Variants in GABRA2 observed in about 807,000 individuals in gnomAD.
The protein encoded by GABRA2 is gamma-aminobutyric acid type A receptor subunit alpha2.
A neutral mutation model predicts 48.7 loss-of-function variants in GABRA2; 16 were observed. The ratio of observed to expected loss-of-function variants is 0.33; its 90% CI spans 0.22 to 0.50. The LOEUF is 0.50. GABRA2 is among the 20% of genes least tolerant of loss of function. The pLI is 0.98. For missense variants in GABRA2, 275 were observed against 535.6 expected (o/e 0.51, Z 4.80); for synonymous variants, 185 against 184.5 (o/e 1.00, Z -0.02).
intron 8 of GABRA2, among the ~76,000 whole-genome samples, chr4:46,298,638 T>C (rs1219009554): frequency 1.3e-5 from 2 of 152,008 alleles, no homozygotes; most frequent in East Asian, 3.8e-4. Flanking sequence ...TCTATGTTAA[T>C]AACTGTGTGT....
At chr4:46,363,519 C>A (rs1713554958) in intron 3 of GABRA2, among the ~76,000 whole-genome samples, 1 of 151,952 alleles carries the variant, frequency 6.6e-6, no homozygotes, top group Non-Finnish European at 1.5e-5. Context: ...AAAAATAAGA[C>A]AAGATAGTGG....
intron 4 of GABRA2, among the ~76,000 whole-genome samples, chr4:46,318,429 A>G (rs1728904982): frequency 6.6e-6 from 1 of 151,544 alleles, no homozygotes; most frequent in Non-Finnish European, 1.5e-5. Flanking sequence ...ACATTTCAAT[A>G]AAATAATATT....
intron 2 of GABRA2, chr4:46,386,662 T>C (rs1717501981): frequency 6.5e-6 from 1 of 154,010 alleles, no homozygotes; most frequent in Non-Finnish European, 1.4e-5. Context: ...GTGTCTTTCT[T>C]TTTCATATGT....
chr4:46,283,760 T>C (rs1700245647), intron 8 of GABRA2, among the ~76,000 whole-genome samples: 1 of 152,196 alleles, frequency 6.6e-6, no homozygotes, highest in South Asian at 2.1e-4. Flanking sequence ...TCTTAGTTTT[T>C]CTGTTTGTTT....
At chr4:46,336,892 G>A (rs1034041213) in intron 3 of GABRA2, among the ~76,000 whole-genome samples, 1 of 151,840 alleles carries the variant, frequency 6.6e-6, no homozygotes, top group African/African-American at 2.4e-5. Context: ...AAAATAAATG[G>A]CCTGAAAAGA....
intron 3 of GABRA2, among the ~76,000 whole-genome samples, chr4:46,378,045 C>T (rs1412680176): frequency 0.029 from 6 of 206 alleles, no homozygotes; most frequent in African/African-American, 0.1. Flanking sequence ...GGGGGTTCAG[C>T]CCCCCCACCC....
intron 4 of GABRA2, among the ~76,000 whole-genome samples, chr4:46,314,297 T>C (rs1728176624): frequency 6.6e-6 from 1 of 152,108 alleles, no homozygotes; most frequent in South Asian, 2.1e-4. Flanking sequence ...TTTTAACACT[T>C]TTTATAAAAC....
intron 7 of GABRA2, 33 bp downstream of exon 7, chr4:46,305,535 G>A: frequency 1.3e-6 from 2 of 1,595,500 alleles, no homozygotes; most frequent in South Asian, 1.1e-5. Context: ...ATATTCTTAG[G>A]CACCAGCTTT....
intron 8 of GABRA2, among the ~76,000 whole-genome samples, chr4:46,273,401 T>TGTGG (rs1424521308): frequency 6.7e-6 from 1 of 149,996 alleles, no homozygotes; most frequent in Non-Finnish European, 1.5e-5. Flanking sequence ...TGTGTGTGTG[T>TGTGG]GTATGTGTAT....
chr4:46,324,306 G>A (rs34629081), intron 4 of GABRA2, among the ~76,000 whole-genome samples: 2,645 of 152,006 alleles, frequency 0.017, 35 homozygotes, highest in South Asian at 0.04. Context: ...AGAAACCATT[G>A]CTAAAATCCT....
intron 8 of GABRA2, among the ~76,000 whole-genome samples, chr4:46,286,038 C>T (rs1048685805): frequency 6.6e-5 from 10 of 152,032 alleles, no homozygotes; most frequent in African/African-American, 2.4e-4. Flanking sequence ...CAACCACTGT[C>T]TTTCTCTAGT....
At chr4:46,347,930 T>C (rs375711172) in intron 3 of GABRA2, among the ~76,000 whole-genome samples, 6 of 152,134 alleles carry the variant, frequency 3.9e-5, no homozygotes, top group Admixed American at 2.0e-4. Flanking sequence ...TAAAAGGTTC[T>C]AATTAAATTA....
At chr4:46,320,254 G>C (rs1365656407) in intron 4 of GABRA2, among the ~76,000 whole-genome samples, 2 of 151,732 alleles carry the variant, frequency 1.3e-5, no homozygotes, top group East Asian at 1.9e-4. Context: ...GAATTAAATT[G>C]GACATCTATC....
At chr4:46,254,778 C>G (rs917582591) in intron 9 of GABRA2, among the ~76,000 whole-genome samples, 7 of 151,634 alleles carry the variant, frequency 4.6e-5, no homozygotes, top group African/African-American at 1.7e-4. Flanking sequence ...CACTAGACTT[C>G]TCTACCTACA....
intron 9 of GABRA2, among the ~76,000 whole-genome samples, chr4:46,258,775 A>G (rs1716367051): frequency 1.3e-5 from 2 of 151,462 alleles, no homozygotes; most frequent in Non-Finnish European, 2.9e-5. Context: ...GCATAACAGT[A>G]AAAAAATTTA....
chr4:46,250,216 T>C lies in GABRA2; in HGVS notation c.*92A>G, dbSNP rs1560425056. Reference sequence around the variant, plus strand: ...CTATATACATACTGTACATGTTGGATCACAAATTAGCAGTTATTAGTCAGA... The same window carrying C: ...CTATATACATACTGTACATGTTGGACCACAAATTAGCAGTTATTAGTCAGA... On this transcript the variant is annotated 3_prime_UTR_variant, in exon 10 of 10. Coordinates refer to ENST00000381620, the MANE Select transcript of GABRA2 (RefSeq NM_000807.4). 1 of 1,051,386 alleles carries C rather than the reference T, an allele frequency of 9.5e-7. No homozygotes were observed. The highest frequency in any genetic ancestry group is 2.1e-5 in the Admixed American group (1 of 46,996). 65.1% of individuals were successfully genotyped at this position (1,051,386 alleles called of 1,614,324 possible).
At chr4:46,337,407 T>C (rs1382571587) in intron 3 of GABRA2, among the ~76,000 whole-genome samples, 1 of 151,912 alleles carries the variant, frequency 6.6e-6, no homozygotes, top group Admixed American at 6.6e-5. Context: ...ATACAGAGGA[T>C]GGAATGAGGT....
At chr4:46,260,525 T>C (rs1348209416) in intron 9 of GABRA2, among the ~76,000 whole-genome samples, 2 of 151,842 alleles carry the variant, frequency 1.3e-5, no homozygotes, top group African/African-American at 4.8e-5. Flanking sequence ...AATATATCAA[T>C]AAATTTATAT....
At chr4:46,347,670 G>T (rs1281108049) in intron 3 of GABRA2, among the ~76,000 whole-genome samples, 1 of 151,856 alleles carries the variant, frequency 6.6e-6, no homozygotes, top group Non-Finnish European at 1.5e-5. Context: ...AAGCTATACA[G>T]TATTGGTCTG....
Sources: allele counts gnomAD v4.1 joint callset (sites outside exome capture counted in the v4.1 genomes callset), GRCh38; gene constraint gnomAD v4.1.1; transcripts MANE v1.5; gene names NCBI Gene and HGNC (gene_info 2026-07-23, HGNC 2026-07-21).